The following CNTNAP2 variants were observed in gnomAD, a reference collection of about 807,000 sequenced individuals.
CNTNAP2 encodes contactin-associated protein-like 2.
A neutral mutation model predicts 155.2 loss-of-function variants in CNTNAP2; 98 were observed. The observed-to-expected ratio is 0.63, with a 90% CI of 0.54 to 0.75. The LOEUF is 0.75. Among genes scored for constraint, CNTNAP2 ranks in the 30% least tolerant of loss-of-function variants. The pLI is 0.00. For synonymous variants in CNTNAP2, 651 were observed against 631.2 expected (o/e 1.03, Z -0.47); for missense variants, 1,727 against 1,688.1 (o/e 1.02, Z -0.40).
chr7:146,969,154 G>A (rs1267883800), intron 3 of CNTNAP2, among the ~76,000 whole-genome samples: 1 of 151,898 alleles, frequency 6.6e-6, no homozygotes, highest in African/African-American at 2.4e-5. Context: ...GTTCTAGTTT[G>A]ATTGCACTGT....
intron 12 of CNTNAP2, among the ~76,000 whole-genome samples, chr7:147,577,617 G>A (rs1373759833): frequency 6.6e-6 from 1 of 151,808 alleles, no homozygotes; most frequent in East Asian, 1.9e-4. Flanking sequence ...GAAATGGCAA[G>A]CCACTATTTC....
chr7:147,372,120 G>A (rs1486736601), intron 9 of CNTNAP2, among the ~76,000 whole-genome samples: 2 of 152,030 alleles, frequency 1.3e-5, no homozygotes, highest in African/African-American at 2.4e-5. Flanking sequence ...AGAAAGCATA[G>A]GGCTCAGGCT....
intron 20 of CNTNAP2, among the ~76,000 whole-genome samples, chr7:148,237,823 A>G (rs1215481523): frequency 2.0e-5 from 3 of 152,216 alleles, no homozygotes; most frequent in Admixed American, 1.3e-4. Flanking sequence ...GGGGAGCCCT[A>G]GTTCACCACT....
chr7:146,685,214 G>C (rs999008917), intron 1 of CNTNAP2, among the ~76,000 whole-genome samples: 1 of 152,164 alleles, frequency 6.6e-6, no homozygotes, highest in Non-Finnish European at 1.5e-5. Flanking sequence ...CTGCCAAGCT[G>C]TATCCACTAT....
chr7:147,648,064 C>T (rs1021220502), intron 13 of CNTNAP2, among the ~76,000 whole-genome samples: 7 of 151,876 alleles, frequency 4.6e-5, no homozygotes, highest in East Asian at 1.9e-4. Flanking sequence ...GTTGATGGTA[C>T]GAGGATGGCT....
chr7:146,349,463 T>G (rs756573330), intron 1 of CNTNAP2, among the ~76,000 whole-genome samples: 2 of 152,144 alleles, frequency 1.3e-5, no homozygotes, highest in Non-Finnish European at 2.9e-5. Context: ...CTATAAAAAT[T>G]TTCATTTAAA....
At chr7:147,250,540 C>T (rs1022527898) in intron 8 of CNTNAP2, among the ~76,000 whole-genome samples, 1 of 151,714 alleles carries the variant, frequency 6.6e-6, no homozygotes, top group Non-Finnish European at 1.5e-5. Flanking sequence ...TAAGCACCCC[C>T]CACCCCCCCA....
At chr7:147,444,737 T>C (rs996392632) in intron 10 of CNTNAP2, among the ~76,000 whole-genome samples, 2 of 152,070 alleles carry the variant, frequency 1.3e-5, no homozygotes, top group Non-Finnish European at 2.9e-5. Flanking sequence ...ACCAGGGAGA[T>C]AGCAAGTGCA....
intron 1 of CNTNAP2, among the ~76,000 whole-genome samples, chr7:146,355,155 T>C (rs1352349365): frequency 6.6e-6 from 1 of 152,218 alleles, no homozygotes; most frequent in African/African-American, 2.4e-5. Flanking sequence ...ATTATTCTTG[T>C]GGACTGTTTT....
chr7:147,245,635 C>T (rs951385267), intron 8 of CNTNAP2, among the ~76,000 whole-genome samples: 1 of 151,900 alleles, frequency 6.6e-6, no homozygotes, highest in African/African-American at 2.4e-5. Context: ...AGTTCAAGAC[C>T]AGCCTGGCCA....
intron 1 of CNTNAP2, among the ~76,000 whole-genome samples, chr7:146,618,022 T>TA (rs1563158631): frequency 5.9e-5 from 9 of 152,018 alleles, no homozygotes; most frequent in Admixed American, 2.6e-4. Flanking sequence ...GGTTAATTTT[T>TA]TAAAAAAAGT....
intron 3 of CNTNAP2, among the ~76,000 whole-genome samples, chr7:146,847,233 A>T (rs1803859243): frequency 6.6e-6 from 1 of 152,162 alleles, no homozygotes; most frequent in South Asian, 2.1e-4. Context: ...AACTTAGAGG[A>T]ATACTAGTAT....
At chr7:147,824,750 G>A (rs1047946139) in intron 13 of CNTNAP2, among the ~76,000 whole-genome samples, 1 of 151,330 alleles carries the variant, frequency 6.6e-6, no homozygotes, top group African/African-American at 2.4e-5. Flanking sequence ...TTCTTTAATT[G>A]CAGAGCCTCA....
At chr7:147,081,042 ATCCTG>A (rs1455059573) in intron 4 of CNTNAP2, 1 of 152,178 alleles carries the variant, frequency 6.6e-6, no homozygotes, top group Non-Finnish European at 1.5e-5. Context: ...ATAACTCCTG[ATCCTG>A]TCTTAAGGAG....
At chr7:147,033,456 C>T (rs1484356718) in intron 3 of CNTNAP2, among the ~76,000 whole-genome samples, 1 of 151,732 alleles carries the variant, frequency 6.6e-6, no homozygotes, top group Non-Finnish European at 1.5e-5. Context: ...GAAACCCTTA[C>T]ACATTACCCT....
At chr7:146,395,826 G>GATAGATA (rs1563068432) in intron 1 of CNTNAP2, among the ~76,000 whole-genome samples, 74 of 116,836 alleles carry the variant, frequency 6.3e-4, no homozygotes, top group Non-Finnish European at 5.9e-4. Flanking sequence ...GATAGATAGA[G>GATAGATA]GAGAGAGAGA....
At chr7:147,737,335 G>T (rs1379112595) in intron 13 of CNTNAP2, among the ~76,000 whole-genome samples, 3 of 152,154 alleles carry the variant, frequency 2.0e-5, no homozygotes, top group Admixed American at 2.0e-4. Flanking sequence ...CTGCAGAACA[G>T]TGAATATTGG....
At chr7:146,917,061 G>T (rs900603149) in intron 3 of CNTNAP2, among the ~76,000 whole-genome samples, 1 of 152,058 alleles carries the variant, frequency 6.6e-6, no homozygotes, top group Non-Finnish European at 1.5e-5. Flanking sequence ...TTTCCTTCTG[G>T]ATTTCATTGT....
rs550403180 is a variant in CNTNAP2 at position 146,462,111 on chromosome 7, A to C, written c.98-312160A>C. Among the ~76,000 whole-genome samples the C allele has an allele frequency of 8.5e-4, 129 of 152,324 alleles. 1 individual carries two copies. Among genetic ancestry groups the C allele is most frequent in the South Asian group, 1.4e-3 (7 of 4,828 alleles). Reference sequence around the variant, plus strand: ...GCTTGAATGAGTTAGAAGACCTCCGAAAAATAGGTGATATGATCCAGAGAA... The same window carrying C: ...GCTTGAATGAGTTAGAAGACCTCCGCAAAATAGGTGATATGATCCAGAGAA... On this transcript the variant is annotated intron_variant, in intron 1 of 23. Coordinates refer to ENST00000361727, the MANE Select transcript of CNTNAP2 (RefSeq NM_014141.6).
Sources: allele counts gnomAD v4.1 joint callset (sites outside exome capture counted in the v4.1 genomes callset), GRCh38; gene constraint gnomAD v4.1.1; transcripts MANE v1.5; gene names NCBI Gene and HGNC (gene_info 2026-07-23, HGNC 2026-07-21).